Variants in MMP3 observed in about 807,000 individuals in gnomAD.
MMP3 encodes the protein stromelysin-1.
A neutral mutation model predicts 47.3 loss-of-function variants in MMP3; 46 were observed. The observed-to-expected ratio is 0.97, with a 90% confidence interval of 0.77 to 1.24. The LOEUF (loss-of-function observed/expected upper bound fraction) is 1.24. Among genes scored for constraint, MMP3 ranks in the 50% most tolerant of loss-of-function variants. The pLI is 0.00. For missense variants in MMP3, 558 were observed against 565.5 expected, an observed-to-expected ratio of 0.99 and a Z score of 0.13; for synonymous variants, 216 against 206.5, an observed-to-expected ratio of 1.05 and a Z score of -0.39.
Position 102,836,291 on chromosome 11 carries a change from A to T in MMP3, c.1334-65T>A, listed in dbSNP as rs1222927468. 6.4e-6 allele frequency: 8 copies of T among 1,258,406 alleles called. No individual in the cohort carries two copies. In the East Asian group the frequency reaches 1.4e-4, roughly 22 times the overall value. 78.0% of individuals were successfully genotyped at this position (1,258,406 alleles called of 1,614,324 possible). A position where few individuals can be genotyped will look rare whatever the true frequency, so the allele number is the denominator to read the frequency against. On this transcript the variant is annotated intron_variant, in intron 9 of 9. Coordinates refer to ENST00000299855, the MANE Select transcript of MMP3 (RefSeq NM_002422.5). The surrounding 1 kb of genome is among the most constrained non-coding windows in gnomAD (Gnocchi z 4.6). Reference sequence around the variant, plus strand: ...AAATAAAGACATTTGACAATATACAAAACTCAGAATCATAGAGAACTAAAA... The same window carrying T: ...AAATAAAGACATTTGACAATATACATAACTCAGAATCATAGAGAACTAAAA...
rs782340869 is a variant in MMP3, at chr11:102,840,222, A to AG, written c.820dup (p.Leu274ProfsTer18). The AG allele has an allele frequency of 2.5e-6, 4 of 1,614,046 alleles. No homozygotes were observed. Among genetic ancestry groups the AG allele is most frequent in the South Asian group, 1.1e-5 (1 of 91,076 alleles). On this transcript the variant is annotated frameshift_variant, in exon 6 of 10. Coordinates refer to ENST00000299855, the MANE Select transcript of MMP3 (RefSeq NM_002422.5). LOFTEE classifies it high-confidence loss of function. The stretch of plus-strand genomic sequence containing the variant: ...TGGAGGGACAGGTTCCGTGGGTACC[A>AG]GGGGGGTCTCAGGGGAGTCAGGGGG...
Position 102,842,891 on chromosome 11 carries a change from A to C in MMP3, c.131T>G (p.Leu44Arg). The change falls in exon 2 of 10, where the codon CTC becomes CGC. Residue 44 changes from leucine (L) to arginine (R), a missense_variant. By Grantham distance (102) the Leu-to-Arg change is moderately radical. Transcript: ENST00000299855. ...VQKYLENYYD[L>R]KKDVKQFVRR... ...AACAAACTGTTTCACATCTTTTTTGAGGTCGTAGTAGTTTTCTAGATATTT... is the reference window on the plus strand; with the variant it reads ...AACAAACTGTTTCACATCTTTTTTGCGGTCGTAGTAGTTTTCTAGATATTT... 1 of 1,608,760 alleles carries C rather than the reference A, an allele frequency of 6.2e-7. No homozygotes were observed. The highest frequency in any genetic ancestry group is 8.5e-7 in the Non-Finnish European group (1 of 1,176,530).
At chr11:102,841,188 C>T (rs782393148) in intron 4 of MMP3, among the ~76,000 whole-genome samples, 2 of 152,288 alleles carry the variant, frequency 1.3e-5, no homozygotes, top group South Asian at 2.1e-4. Context: ...ATTTAGAATA[C>T]ATAAACACTG....
chr11:102,842,179 A>G lies in MMP3; in HGVS notation c.600T>C (p.Asp200=), dbSNP rs1156265503. 1.2e-6 allele frequency: 2 copies of G among 1,610,616 alleles called. No individual in the cohort carries two copies. The highest frequency in any genetic ancestry group is 1.7e-6 in the Non-Finnish European group (2 of 1,178,392). Residue 200 remains aspartate, a synonymous_variant, in exon 4 of 10, where the codon GAT becomes GAC. Coordinates refer to ENST00000299855, the MANE Select transcript of MMP3 (RefSeq NM_002422.5). The part of the protein sequence containing the change: ...GINGDAHFDD[D]EQWTKDTTGT... ...CTGTTGTATCCTTTGTCCATTGTTCATCATCATCAAAGTGGGCATCTCCAT... is the reference window on the plus strand; with the variant it reads ...CTGTTGTATCCTTTGTCCATTGTTCGTCATCATCAAAGTGGGCATCTCCAT...
rs782255516 is a variant in MMP3, at chr11:102,837,733, T to C, written c.1230-332A>G. Among the ~76,000 whole-genome samples, 2 of 152,044 alleles carry C rather than the reference T, an allele frequency of 1.3e-5. No individual in the cohort carries two copies. The highest frequency in any genetic ancestry group is 4.8e-5 in the African/African-American group (2 of 41,372). The stretch of plus-strand genomic sequence containing the variant: ...GAACATATATATAAAGTGAATTGAA[T>C]CAACATCTAAAATGCAATTTTAATT... On this transcript the variant is annotated intron_variant, in intron 8 of 9. Coordinates refer to ENST00000299855, the MANE Select transcript of MMP3 (RefSeq NM_002422.5). The surrounding 1 kb of genome is among the most constrained non-coding windows in gnomAD (Gnocchi z 4.4).
In MMP3 at chr11:102,836,514, C is replaced by T. The variant is rs918760553; in HGVS notation, c.1334-288G>A. The T allele has an allele frequency of 2.3e-5, 12 of 526,526 alleles. No individual in the cohort carries two copies. The highest frequency in any genetic ancestry group is 3.8e-5 in the African/African-American group (2 of 52,348). The allele number at this position is 526,526 out of a possible 1,614,324, so 32.6% of individuals were successfully genotyped here. On this transcript the variant is annotated intron_variant, in intron 9 of 9. Coordinates refer to ENST00000299855, the MANE Select transcript of MMP3 (RefSeq NM_002422.5). This position sits in a 1 kb window ranked among gnomAD's most constrained non-coding sequence, Gnocchi z 4.6. ...AGCAAGGAAGAATGGAGACAGCACT[C>T]GGTGCCAGCTCTGTCTGAAAACACA...
In MMP3 at chr11:102,838,766, G is replaced by A. The variant is rs782611725; in HGVS notation, c.1070-56C>T. ...TGAATTATAACAGTTAAGCCCTTTC[G>A]CTTTAGAAATACACTTTAGCATCTT... On this transcript the variant is annotated intron_variant, in intron 7 of 9. Coordinates refer to ENST00000299855, the MANE Select transcript of MMP3 (RefSeq NM_002422.5). The A allele has an allele frequency of 6.3e-5, 97 of 1,529,930 alleles. 1 individual carries two copies. The highest frequency in any genetic ancestry group is 7.9e-5 in the Non-Finnish European group (89 of 1,127,248). 94.8% of individuals were successfully genotyped at this position (1,529,930 alleles called of 1,614,324 possible).
chr11:102,842,332 C>G, intron 3 of MMP3, 53 bp from the exon 4 acceptor site: 1 of 1,571,328 alleles, frequency 6.4e-7, no homozygotes. Context: ...CCCTTTTGAG[C>G]CTTTTCCAGT....
chr11:102,839,297 A>AAT, intron 6 of MMP3, 54 bp from the exon 7 acceptor site: 8 of 1,604,852 alleles, frequency 5.0e-6, no homozygotes, highest in Admixed American at 3.4e-5. Context: ...TCACCTTTAG[A>AAT]ATATTTTCCT....
Position 102,840,862 on chromosome 11 carries a change from C to T in MMP3, c.626-269G>A, listed in dbSNP as rs544428650. Among the ~76,000 whole-genome samples, 48 of 151,982 alleles carry T rather than the reference C, an allele frequency of 3.2e-4. No individual in the cohort carries two copies. The East Asian group carries it at 8.3e-3, about 26-fold the overall frequency. ...GGCCCCAAACCCACCCCCAGCCTCA[C>T]AAGCATATTAACTCCAGAAGAACCA... is the stretch of plus-strand genomic sequence containing the variant. On this transcript the variant is annotated intron_variant, in intron 4 of 9. Transcript: ENST00000299855.
chr11:102,842,076 G>T (rs1859007015), intron 4 of MMP3, 78 bp downstream of exon 4: 2 of 1,348,522 alleles, frequency 1.5e-6, no homozygotes, highest in Non-Finnish European at 9.8e-7. Context: ...CTCATTTCTT[G>T]AGCATTCTTG....
Position 102,842,846 on chromosome 11 carries a change from G to A in MMP3, c.176C>T (p.Pro59Leu), listed in dbSNP as rs1487605173. The A allele has an allele frequency of 2.1e-5, 34 of 1,613,536 alleles. No homozygotes were observed. Among genetic ancestry groups the A allele is most frequent in the Non-Finnish European group, 2.9e-5 (34 of 1,179,860 alleles). Residue 59 changes from proline to leucine, a missense_variant, in exon 2 of 10, where the codon CCT (proline) becomes CTT (leucine). Transcript: ENST00000299855. ...CATTTCTCGGATTTTTTTAACAACA[G>A]GACCACTGTCCTTTCTCCTAACAAA... Reference protein sequence around the residue: ...KQFVRRKDSGPVVKKIREMQK... With the variant: ...KQFVRRKDSGLVVKKIREMQK...
At position 102,842,404 on chromosome 11, in the gene MMP3, C is replaced by CTTTTTTTTTTT. The variant is rs11418340; in HGVS notation, c.499+16_499+26dup. 3.5e-4 allele frequency: 285 copies of CTTTTTTTTTTT among 813,298 alleles called. 6 individuals are homozygous for CTTTTTTTTTTT. Among genetic ancestry groups the CTTTTTTTTTTT allele is most frequent in the South Asian group, 1.0e-3 (36 of 36,128 alleles). The allele number at this position is 813,298 out of a possible 1,614,324, so 50.4% of individuals were successfully genotyped here. ...GTGTTTTTTGTTTTGTTTTGTTTTG[C>CTTTTTTTTTTT]TTTTTTTTTTTTTTTTTTTTTTTTA... On this transcript the variant is annotated intron_variant, in intron 3 of 9. Transcript: ENST00000299855.
At position 102,843,460 on chromosome 11, in the gene MMP3, G is replaced by C. The variant is rs1555005935; in HGVS notation, c.87C>G (p.Thr29=). The change falls in exon 1 of 10, where the codon ACC becomes ACG. Residue 29 remains threonine (T), a synonymous_variant. Transcript: ENST00000299855. ...PLDGAARGED[T]SMNLVQKYLE... Reference sequence around the variant, plus strand: ...TAATTACCTGAACAAGGTTCATGCTGGTGTCCTCACCCCTTGCAGCTCCAT... The same window carrying C: ...TAATTACCTGAACAAGGTTCATGCTCGTGTCCTCACCCCTTGCAGCTCCAT... 6.2e-7 allele frequency: 1 copy of C among 1,613,380 alleles called. No homozygotes were observed. Among genetic ancestry groups the C allele is most frequent in the South Asian group, 1.1e-5 (1 of 90,990 alleles).
At position 102,842,555 on chromosome 11, in the gene MMP3, C is replaced by G. The variant is rs1433100016; in HGVS notation, c.375G>C (p.Leu125Phe). 1.9e-6 allele frequency: 3 copies of G among 1,613,452 alleles called. No individual in the cohort carries two copies. The highest frequency in any genetic ancestry group is 2.5e-6 in the Non-Finnish European group (3 of 1,179,868). Residue 125 changes from leucine (L) to phenylalanine (F), a missense_variant, in exon 3 of 10, where the codon TTG (leucine) becomes TTC (phenylalanine). By Grantham distance (22) the Leu-to-Phe change is conservative. Coordinates refer to ENST00000299855, the MANE Select transcript of MMP3 (RefSeq NM_002422.5). ...CAGCAGAATCAACAGCATCTTTTGG[C>G]AAATCTGGTGTATAATTCACAATCC... ...TYRIVNYTPDLPKDAVDSAVE... is the reference protein window; with the variant it reads ...TYRIVNYTPDFPKDAVDSAVE...
rs781868768 is a variant in MMP3 at position 102,840,102 on chromosome 11, C to A, written c.935+6G>T. The A allele has an allele frequency of 1.4e-5, 22 of 1,607,354 alleles. No individual in the cohort carries two copies. Among genetic ancestry groups the A allele is most frequent in the Non-Finnish European group, 1.8e-5 (21 of 1,177,534 alleles). On this transcript the variant is annotated splice_donor_region_variant and intron_variant, in intron 6 of 9. Transcript: ENST00000299855. ...ATGGTAGGAAAATATAATTTTTCAG[C>A]CTGACCTGTCTTTAAAGATCAGGAT...
intron 7 of MMP3, 145 bp downstream of exon 7, chr11:102,838,965 C>A (rs1858939281): frequency 5.6e-6 from 5 of 894,184 alleles, no homozygotes; most frequent in Middle Eastern, 6.8e-4. Context: ...AATATAAATA[C>A]AATGATATCA....
In MMP3 at chr11:102,843,451, G is replaced by T; in HGVS notation, c.96C>A (p.Asn32Lys). 1.2e-6 allele frequency: 2 copies of T among 1,613,062 alleles called. No homozygotes were observed. The highest frequency in any genetic ancestry group is 4.5e-5 in the East Asian group (2 of 44,866). ...GAARGEDTSM[N>K]LVQKYLENYY... ...AGTTAGTGTTAATTACCTGAACAAG[G>T]TTCATGCTGGTGTCCTCACCCCTTG... Residue 32 changes from asparagine (N) to lysine (K), a missense_variant, in exon 1 of 10, where the codon AAC (asparagine) becomes AAA (lysine). Asn to Lys is a moderately conservative substitution (Grantham distance 94). Coordinates refer to ENST00000299855, the MANE Select transcript of MMP3 (RefSeq NM_002422.5).
In MMP3 at chr11:102,843,523, CAGT is replaced by C; in HGVS notation, c.21_23del (p.Leu10del). ...CTGAGCAAACTGCCACGCACAGCAA[CAGT>C]AGGATTGGAAGACTCTTCATTTCCA... On this transcript the variant is annotated inframe_deletion, in exon 1 of 10. Coordinates refer to ENST00000299855, the MANE Select transcript of MMP3 (RefSeq NM_002422.5). The C allele has an allele frequency of 6.2e-7, 1 of 1,613,498 alleles. No homozygotes were observed. Among genetic ancestry groups the C allele is most frequent in the Non-Finnish European group, 8.5e-7 (1 of 1,179,734 alleles).
Sources: allele counts gnomAD v4.1 joint callset (sites outside exome capture counted in the v4.1 genomes callset), GRCh38; gene constraint gnomAD v4.1.1; non-coding constraint Gnocchi (gnomAD v3.1); transcripts MANE v1.5; gene names NCBI Gene and HGNC (gene_info 2026-07-23, HGNC 2026-07-21).